HNF4G: variants seen among roughly 807,000 people sequenced by gnomAD.
The protein encoded by HNF4G is hepatocyte nuclear factor 4-gamma.
A neutral mutation model predicts 50.9 loss-of-function variants in HNF4G; 21 were observed. The ratio of observed to expected loss-of-function variants is 0.41; its 90% CI spans 0.29 to 0.59. HNF4G has a LOEUF of 0.59. HNF4G is among the 20% of genes least tolerant of loss of function. The pLI, the probability that HNF4G is intolerant of heterozygous loss-of-function variation, is 0.26. For missense variants in HNF4G, 527 were observed against 559.4 expected (o/e 0.94, Z 0.58); for synonymous variants, 198 against 185.6 (o/e 1.07, Z -0.54).
chr8:75,457,832 T>C (rs951836678), intron 1 of HNF4G, among the ~76,000 whole-genome samples: 7 of 152,098 alleles, frequency 4.6e-5, no homozygotes, highest in Non-Finnish European at 1.0e-4. Context: ...CAGGAATGTA[T>C]GTTAATTACA....
At chr8:75,429,729 C>CT (rs1810963085) in intron 1 of HNF4G, among the ~76,000 whole-genome samples, 3 of 152,106 alleles carry the variant, frequency 2.0e-5, no homozygotes, top group Admixed American at 2.0e-4. Context: ...GTCCAAAAGT[C>CT]TGAGTTGAAG....
At chr8:75,547,973 TG>T (rs1806837183) in intron 3 of HNF4G, among the ~76,000 whole-genome samples, 1 of 149,420 alleles carries the variant, frequency 6.7e-6, no homozygotes, top group Non-Finnish European at 1.5e-5. Flanking sequence ...ATTCTGTTAG[TG>T]GGTTGAAATT....
intron 1 of HNF4G, among the ~76,000 whole-genome samples, chr8:75,422,333 C>A (rs775812129): frequency 2.6e-5 from 4 of 152,088 alleles, no homozygotes; most frequent in Non-Finnish European, 4.4e-5. Context: ...GTTAAATTAG[C>A]TTTTAGGCTC....
rs550991996 is a variant in HNF4G, at chr8:75,454,358, G to C, written c.-143-35731G>C. ...AGATAGGTGATACTGAGGGTTAAAT[G>C]AGATAAGTATAAAATGTTTAGTACA... On this transcript the variant is annotated intron_variant, in intron 1 of 10. Transcript: ENST00000354370. Among the ~76,000 whole-genome samples the C allele has an allele frequency of 2.6e-5, 4 of 152,298 alleles. No homozygotes were observed. In the South Asian group the frequency reaches 8.3e-4, roughly 32 times the overall value.
chr8:75,475,167 G>A (rs531188743), intron 1 of HNF4G, among the ~76,000 whole-genome samples: 19 of 151,138 alleles, frequency 1.3e-4, no homozygotes, highest in South Asian at 2.1e-4. Flanking sequence ...ATGCCAACAC[G>A]CCCAGCTAAT....
intron 1 of HNF4G, among the ~76,000 whole-genome samples, chr8:75,448,566 T>C (rs1301302069): frequency 6.6e-6 from 1 of 150,410 alleles, no homozygotes; most frequent in Non-Finnish European, 1.5e-5. Flanking sequence ...GATTATATGA[T>C]GTAAGTATAA....
chr8:75,561,255 C>G (rs1807303683), intron 9 of HNF4G, among the ~76,000 whole-genome samples: 1 of 152,180 alleles, frequency 6.6e-6, no homozygotes, highest in African/African-American at 2.4e-5. Flanking sequence ...TTTATGTGGA[C>G]ACGTTTTCCT....
chr8:75,408,313 G>GGCTGT (rs1810413500), intron 1 of HNF4G, among the ~76,000 whole-genome samples: 1 of 152,146 alleles, frequency 6.6e-6, no homozygotes, highest in South Asian at 2.1e-4. Context: ...AAGCTTTGGT[G>GGCTGT]GCTGTAGCGG....
chr8:75,500,230 T>C (rs1371624528), intron 2 of HNF4G, among the ~76,000 whole-genome samples: 1 of 152,112 alleles, frequency 6.6e-6, no homozygotes, highest in Non-Finnish European at 1.5e-5. Context: ...AGATGTTACT[T>C]TAAAGACGAT....
chr8:75,473,713 C>T (rs1812175679), intron 1 of HNF4G, among the ~76,000 whole-genome samples: 1 of 152,126 alleles, frequency 6.6e-6, no homozygotes, highest in Non-Finnish European at 1.5e-5. Flanking sequence ...CTTAAACTTT[C>T]AGGAGTGATT....
In HNF4G at chr8:75,488,695, C is replaced by T. The variant is rs988255992; in HGVS notation, c.-143-1394C>T. Among the ~76,000 whole-genome samples the T allele has an allele frequency of 3.9e-5, 6 of 152,202 alleles. No homozygotes were observed. The South Asian group carries it at 6.2e-4, about 16-fold the overall frequency. Reference sequence around the variant, plus strand: ...CTTCATTTTACAGATGAGAGAACTGCGATTTACACAGGGACAGTATGGATC... The same window carrying T: ...CTTCATTTTACAGATGAGAGAACTGTGATTTACACAGGGACAGTATGGATC... On this transcript the variant is annotated intron_variant, in intron 1 of 10. Coordinates refer to the HNF4G transcript ENST00000354370.
intron 1 of HNF4G, among the ~76,000 whole-genome samples, chr8:75,431,391 C>T (rs1448895528): frequency 6.6e-6 from 1 of 152,102 alleles, no homozygotes; most frequent in Non-Finnish European, 1.5e-5. Context: ...ATGGTATAAT[C>T]ACAGAACGGC....
rs764763328 is a variant in HNF4G at position 75,560,417 on chromosome 8, A to C, written c.1197A>C (p.Gln399His). The C allele has an allele frequency of 1.9e-6, 3 of 1,613,338 alleles. No individual in the cohort carries two copies. Among genetic ancestry groups the C allele is most frequent in the South Asian group, 1.1e-5 (1 of 91,074 alleles). Reference protein sequence around the residue: ...PHLSQDPLTGQTILLGPMSTL... With the variant: ...PHLSQDPLTGHTILLGPMSTL... ...TGTCTCAAGACCCATTAACTGGACA[A>C]ACTATACTTTTAGGTCCCATGTCAA... The change falls in exon 9 of 10, where the codon CAA (glutamine) becomes CAC (histidine). Residue 399 changes from glutamine (Q) to histidine (H), a missense_variant. Physicochemically the swap from Gln to His is conservative, Grantham distance 24. Coordinates refer to ENST00000396423, the MANE Select transcript of HNF4G (RefSeq NM_004133.5).
At chr8:75,465,320 A>G (rs1383223700) in intron 1 of HNF4G, among the ~76,000 whole-genome samples, 1 of 152,180 alleles carries the variant, frequency 6.6e-6, no homozygotes, top group Non-Finnish European at 1.5e-5. Flanking sequence ...TTTCATCAAT[A>G]AAGTTATAGT....
In HNF4G at chr8:75,559,120, T is replaced by A. The variant is rs538868243; in HGVS notation, c.1123+83T>A. The A allele has an allele frequency of 7.3e-5, 66 of 910,054 alleles. No individual in the cohort carries two copies. The Middle Eastern group carries it at 9.1e-4, about 13-fold the overall frequency. 56.4% of individuals were successfully genotyped at this position (910,054 alleles called of 1,614,324 possible). On this transcript the variant is annotated intron_variant, in intron 8 of 9. Coordinates refer to ENST00000396423, the MANE Select transcript of HNF4G (RefSeq NM_004133.5). ...GACCTACTGATTTTTTTGTCCATAT[T>A]TAATTCATCTACTGAAGTTGCTGTG...
chr8:75,478,240 G>C lies in HNF4G; in HGVS notation c.-143-11849G>C, dbSNP rs1220368314. ...GAGGTGGGAGGATCGCTTGAGCCCA[G>C]GAGGCCCAGGCTGCAGTGAGTTGAG... On this transcript the variant is annotated intron_variant, in intron 1 of 10. Transcript: ENST00000354370. 2.0e-5 allele frequency among the ~76,000 whole-genome samples: 3 copies of C among 152,132 alleles called. No homozygotes were observed. In the East Asian group the frequency reaches 5.8e-4, roughly 29 times the overall value.
chr8:75,440,635 C>T (rs1811256705), intron 1 of HNF4G, among the ~76,000 whole-genome samples: 1 of 151,806 alleles, frequency 6.6e-6, no homozygotes, highest in South Asian at 2.1e-4. Flanking sequence ...ATACCTTGTC[C>T]TGACCAAAAT....
At chr8:75,529,214 C>T (rs1233393684) in intron 2 of HNF4G, among the ~76,000 whole-genome samples, 2 of 152,052 alleles carry the variant, frequency 1.3e-5, no homozygotes, top group Non-Finnish European at 2.9e-5. Context: ...TGGCGTGAAC[C>T]CGGCAGGCGG....
Position 75,416,128 on chromosome 8 carries a change from A to C in HNF4G, c.-144+7966A>C, listed in dbSNP as rs983274124. Among the ~76,000 whole-genome samples the C allele has an allele frequency of 2.0e-5, 3 of 152,192 alleles. No individual in the cohort carries two copies. The South Asian group carries it at 6.2e-4, about 32-fold the overall frequency. ...AATTTGTTAAGACAAAAATAATGTGATCAAGTTCTTTTCTTTATTTTTAAT... is the reference window on the plus strand; with the variant it reads ...AATTTGTTAAGACAAAAATAATGTGCTCAAGTTCTTTTCTTTATTTTTAAT... On this transcript the variant is annotated intron_variant, in intron 1 of 10. Transcript: ENST00000354370.
Sources: gnomAD v4.1 joint callset for allele counts (sites outside exome capture counted in the v4.1 genomes callset) on GRCh38, gnomAD v4.1.1 for gene constraint, MANE v1.5 for transcripts, NCBI Gene and HGNC (gene_info 2026-07-23, HGNC 2026-07-21) for gene names.